The following CBL variants were observed in gnomAD, a reference collection of about 807,000 sequenced individuals.
The protein encoded by CBL is E3 ubiquitin-protein ligase CBL.
Under a neutral mutation model 96.9 loss-of-function variants are expected in CBL, and 45 were observed. The ratio of observed to expected loss-of-function variants is 0.46; its 90% CI spans 0.37 to 0.60. The LOEUF (loss-of-function observed/expected upper bound fraction) is 0.60. Ranked by LOEUF, CBL falls within the 20% of genes least tolerant of loss-of-function variation. CBL has a pLI of 0.00. For synonymous variants in CBL, 420 were observed against 426.8 expected, an observed-to-expected ratio of 0.98 and a Z score of 0.20; for missense variants, 1,024 against 1,143.5, an observed-to-expected ratio of 0.90 and a Z score of 1.51.
In CBL at chr11:119,303,129, C is replaced by T. The variant is rs1950112789; in HGVS notation, c.*3348C>T. On this transcript the variant is annotated 3_prime_UTR_variant, in exon 16 of 16. Transcript: ENST00000264033. ...CTCACAAATTTTTATAACAAAATTT[C>T]CTTGTAAAAACTAGGGACCATCTAT... 1 of 231,516 alleles carries T rather than the reference C, an allele frequency of 4.3e-6. No individual in the cohort carries two copies. The highest frequency in any genetic ancestry group is 1.8e-4 in the South Asian group (1 of 5,504). The allele number at this position is 231,516 out of a possible 1,614,324, so 14.3% of individuals were successfully genotyped here.
chr11:119,259,475 A>G (rs1293396282), intron 2 of CBL, among the ~76,000 whole-genome samples: 1 of 152,200 alleles, frequency 6.6e-6, no homozygotes, highest in Non-Finnish European at 1.5e-5. Context: ...TAGAGCCACT[A>G]TGCAAAAGTA....
Position 119,299,915 on chromosome 11 carries a change from G to A in CBL, c.*134G>A, listed in dbSNP as rs1193895402. ...GCCCTCTCTGTGGGATATCACATCA[G>A]TGGTTCCAAGATTTCAAAGTGGTGA... On this transcript the variant is annotated 3_prime_UTR_variant, in exon 16 of 16. Coordinates refer to ENST00000264033, the MANE Select transcript of CBL (RefSeq NM_005188.4). 1 of 853,852 alleles carries A rather than the reference G, an allele frequency of 1.2e-6. No individual in the cohort carries two copies. The highest frequency in any genetic ancestry group is 1.8e-5 in the Admixed American group (1 of 56,096). 52.9% of individuals were successfully genotyped at this position (853,852 alleles called of 1,614,324 possible).
chr11:119,232,841 G>A, intron 2 of CBL, 146 bp downstream of exon 2: 1 of 828,498 alleles, frequency 1.2e-6, no homozygotes, highest in South Asian at 1.5e-5. Context: ...TTATATAAAA[G>A]GTTGCCATGG....
intron 2 of CBL, among the ~76,000 whole-genome samples, chr11:119,234,852 T>C (rs560057000): frequency 4.1e-4 from 63 of 152,198 alleles, no homozygotes; most frequent in Non-Finnish European, 7.6e-4. Context: ...GACTTGTAAT[T>C]TGAATTAGAG....
At chr11:119,232,352 C>T (rs1211064335) in intron 1 of CBL, 96 bp from the exon 2 acceptor site, 2 of 1,356,816 alleles carry the variant, frequency 1.5e-6, no homozygotes, top group African/African-American at 1.4e-5. Flanking sequence ...TCATATTTTG[C>T]AAAAGAGCAC....
At chr11:119,210,139 G>A (rs1482481259) in intron 1 of CBL, among the ~76,000 whole-genome samples, 3 of 152,196 alleles carry the variant, frequency 2.0e-5, no homozygotes, top group Admixed American at 1.3e-4. Context: ...CACTTTGGGA[G>A]GATGAGGTAG....
At chr11:119,260,736 A>G (rs1413506086) in intron 2 of CBL, among the ~76,000 whole-genome samples, 10 of 151,674 alleles carry the variant, frequency 6.6e-5, no homozygotes, top group Non-Finnish European at 1.0e-4. Context: ...TTACTTTTCT[A>G]TCTCAGGCTC....
intron 2 of CBL, among the ~76,000 whole-genome samples, chr11:119,245,445 T>A (rs1949619746): frequency 1.3e-5 from 2 of 152,124 alleles, no homozygotes; most frequent in African/African-American, 4.8e-5. Context: ...AAAGTTTTAA[T>A]GGACCAGGTG....
rs1950092421 is a variant in CBL, at chr11:119,300,250, G to T, written c.*469G>T. ...GGAATTAGCACAAAAGGTTTAGGAA[G>T]GAATCTTTTTTTAAAGACTTCCATC... On this transcript the variant is annotated 3_prime_UTR_variant, in exon 16 of 16. Transcript: ENST00000264033. 6.7e-6 allele frequency: 3 copies of T among 450,710 alleles called. No homozygotes were observed. The highest frequency in any genetic ancestry group is 3.2e-5 in the East Asian group (1 of 31,360). 27.9% of individuals were successfully genotyped at this position (450,710 alleles called of 1,614,324 possible). A position where few individuals can be genotyped will look rare whatever the true frequency, so the allele number is the denominator to read the frequency against.
rs1298566543 is a variant in CBL, at chr11:119,306,599, G to C, written c.*6818G>C. ...CTACCTCTGACCTTCTTGTGGGTGA[G>C]GGTGGCCATGCTTATGGCCATCTTA... is the stretch of plus-strand genomic sequence containing the variant. On this transcript the variant is annotated 3_prime_UTR_variant, in exon 16 of 16. Coordinates refer to ENST00000264033, the MANE Select transcript of CBL (RefSeq NM_005188.4). 7.9e-6 allele frequency: 3 copies of C among 379,352 alleles called. No individual in the cohort carries two copies. In the East Asian group the frequency reaches 1.1e-4, roughly 14 times the overall value. 23.5% of individuals were successfully genotyped at this position (379,352 alleles called of 1,614,324 possible). A position where few individuals can be genotyped will look rare whatever the true frequency, so the allele number is the denominator to read the frequency against.
rs1950121467 is a variant in CBL, at chr11:119,304,479, G to C, written c.*4698G>C. The C allele has an allele frequency of 4.3e-6, 1 of 233,140 alleles. No individual in the cohort carries two copies. Among genetic ancestry groups the C allele is most frequent in the East Asian group, 6.0e-5 (1 of 16,574 alleles). The allele number at this position is 233,140 out of a possible 1,614,324, so 14.4% of individuals were successfully genotyped here. On this transcript the variant is annotated 3_prime_UTR_variant, in exon 16 of 16. Coordinates refer to ENST00000264033, the MANE Select transcript of CBL (RefSeq NM_005188.4). ...TGCCTTTGGTTCTTGGGTGGAGCTG[G>C]AACTGCAGAGCTTTGCACCTAGTCC...
intron 2 of CBL, among the ~76,000 whole-genome samples, chr11:119,235,708 C>A (rs1949540746): frequency 6.6e-6 from 1 of 152,110 alleles, no homozygotes; most frequent in South Asian, 2.1e-4. Flanking sequence ...ACAGTTAAAC[C>A]CATGTTGTTA....
At chr11:119,223,154 G>C (rs1343635577) in intron 1 of CBL, among the ~76,000 whole-genome samples, 1 of 149,682 alleles carries the variant, frequency 6.7e-6, no homozygotes, top group South Asian at 2.1e-4. Flanking sequence ...CTCCAGCCTG[G>C]GTGACAGAGC....
rs1055932386 is a variant in CBL at position 119,269,717 on chromosome 11, C to T, written c.444-2018C>T. On this transcript the variant is annotated intron_variant, in intron 2 of 15. Transcript: ENST00000264033. ...TTGAAATTTTATAGTACATTTATGC[C>T]GGGCGCGGTGGCTCACGCTTGTAAT... Among the ~76,000 whole-genome samples the T allele has an allele frequency of 5.9e-5, 9 of 152,124 alleles. No homozygotes were observed. In the South Asian group the frequency reaches 6.2e-4, roughly 11 times the overall value.
At chr11:119,272,371 C>T (rs761041362) in intron 3 of CBL, among the ~76,000 whole-genome samples, 38 of 152,192 alleles carry the variant, frequency 2.5e-4, no homozygotes, top group Admixed American at 2.0e-4. Context: ...CCACCTGCTT[C>T]GGCATCCCAA....
At chr11:119,229,393 C>T (rs1424685741) in intron 1 of CBL, among the ~76,000 whole-genome samples, 1 of 152,124 alleles carries the variant, frequency 6.6e-6, no homozygotes, top group Admixed American at 6.6e-5. Context: ...TTCTAAAATG[C>T]TGTGAAAATA....
intron 2 of CBL, 61 bp from the exon 3 acceptor site, chr11:119,271,674 T>C: frequency 1.5e-6 from 2 of 1,352,708 alleles, no homozygotes; most frequent in Non-Finnish European, 1.1e-6. Context: ...ATGGTGAATT[T>C]GGTGCATTTA....
chr11:119,254,211 T>C (rs987612077), intron 2 of CBL, among the ~76,000 whole-genome samples: 2 of 152,150 alleles, frequency 1.3e-5, no homozygotes, highest in Non-Finnish European at 2.9e-5. Flanking sequence ...TTCACTGAAT[T>C]ATACACTTAA....
chr11:119,275,118 A>G (rs1949878755), intron 5 of CBL, among the ~76,000 whole-genome samples, 165 bp downstream of exon 5: 1 of 152,238 alleles, frequency 6.6e-6, no homozygotes, highest in Non-Finnish European at 1.5e-5. Context: ...AGATCCTATA[A>G]TTTGATAAAT....
Sources: gnomAD v4.1 joint callset for allele counts (sites outside exome capture counted in the v4.1 genomes callset) on GRCh38, gnomAD v4.1.1 for gene constraint, MANE v1.5 for transcripts, NCBI Gene and HGNC (gene_info 2026-07-23, HGNC 2026-07-21) for gene names.